PLEKHA5: variants seen among roughly 807,000 people sequenced by gnomAD.
PLEKHA5 encodes pleckstrin homology domain containing A5.
A neutral mutation model predicts 181.9 loss-of-function variants in PLEKHA5; 55 were observed. The ratio of observed to expected loss-of-function variants is 0.30; its 90% confidence interval spans 0.24 to 0.38. The LOEUF (loss-of-function observed/expected upper bound fraction) is 0.38, where lower values mean the gene tolerates loss of function less well. Among genes scored for constraint, PLEKHA5 ranks in the 10% least tolerant of loss-of-function variants. The pLI is 1.00. For synonymous variants in PLEKHA5, 535 were observed against 529.4 expected (o/e 1.01, Z -0.15); for missense variants, 1,432 against 1,549.5 (o/e 0.92, Z 1.27).
intron 25 of PLEKHA5, among the ~76,000 whole-genome samples, 175 bp from the exon 26 acceptor site, chr12:19,353,709 T>C (rs1384663325): frequency 1.3e-5 from 2 of 152,172 alleles, no homozygotes; most frequent in Non-Finnish European, 2.9e-5. Flanking sequence ...TCCGCCTGCC[T>C]TGGCCTCCCA....
intron 3 of PLEKHA5, among the ~76,000 whole-genome samples, chr12:19,214,162 T>TGCTA: frequency 6.6e-6 from 1 of 152,252 alleles, no homozygotes; most frequent in Non-Finnish European, 1.5e-5. Flanking sequence ...TGTAAAGGAA[T>TGCTA]GCTAATTCAG....
chr12:19,332,115 A>G (rs1399264540), intron 20 of PLEKHA5, among the ~76,000 whole-genome samples: 1 of 151,776 alleles, frequency 6.6e-6, no homozygotes, highest in East Asian at 1.9e-4. Flanking sequence ...TGAAACCCCA[A>G]ATTAAAAAAT....
intron 3 of PLEKHA5, chr12:19,152,467 G>A (rs534462807): frequency 1.3e-5 from 2 of 152,304 alleles, no homozygotes; most frequent in East Asian, 3.9e-4. Flanking sequence ...TCTTTCGTCA[G>A]ATTTGTTTCT....
chr12:19,212,545 G>T (rs940856048), intron 3 of PLEKHA5, among the ~76,000 whole-genome samples: 1 of 151,950 alleles, frequency 6.6e-6, no homozygotes, highest in Non-Finnish European at 1.5e-5. Context: ...GCCAGGCATG[G>T]TGGCGGGTGC....
At chr12:19,300,408 T>A (rs1407422716) in intron 15 of PLEKHA5, among the ~76,000 whole-genome samples, 1 of 152,206 alleles carries the variant, frequency 6.6e-6, no homozygotes, top group African/African-American at 2.4e-5. Context: ...ACAATTCTAT[T>A]TTTATTTACA....
rs570692202 is a variant in PLEKHA5, at chr12:19,132,731, T to C, written c.227+281T>C. ...ATAATTTTGTATCTTCGTTTTTTTC[T>C]TTTGGAATCGTCCAGCTTCATCAGA... On this transcript the variant is annotated intron_variant, in intron 3 of 31. Transcript: ENST00000429027. 2.6e-5 allele frequency among the ~76,000 whole-genome samples: 4 copies of C among 152,060 alleles called. No homozygotes were observed. The East Asian group carries it at 7.7e-4, about 29-fold the overall frequency.
intron 3 of PLEKHA5, among the ~76,000 whole-genome samples, chr12:19,217,072 T>A (rs2058106541): frequency 6.6e-6 from 1 of 152,232 alleles, no homozygotes; most frequent in Non-Finnish European, 1.5e-5. Flanking sequence ...AGACTGGTTT[T>A]GACCTTCAGA....
At chr12:19,262,908 T>C (rs1355683977) in intron 7 of PLEKHA5, among the ~76,000 whole-genome samples, 2 of 152,190 alleles carry the variant, frequency 1.3e-5, no homozygotes, top group Non-Finnish European at 2.9e-5. Context: ...AAACAAGCCA[T>C]GCTGAGTCTG....
intron 20 of PLEKHA5, 58 bp from the exon 21 acceptor site, chr12:19,336,457 G>C: frequency 1.2e-6 from 1 of 863,920 alleles, no homozygotes; most frequent in Non-Finnish European, 1.9e-6. Context: ...CAATTGGAGT[G>C]ATAACACCAT....
chr12:19,283,818 T>G, intron 12 of PLEKHA5, 73 bp downstream of exon 12: 1 of 906,228 alleles, frequency 1.1e-6, no homozygotes, highest in Non-Finnish European at 1.7e-6. Flanking sequence ...TATACTATTT[T>G]AAATGTGAGA....
At chr12:19,140,867 C>T (rs1210121543) in intron 3 of PLEKHA5, among the ~76,000 whole-genome samples, 1 of 152,202 alleles carries the variant, frequency 6.6e-6, no homozygotes, top group Non-Finnish European at 1.5e-5. Flanking sequence ...CGGTTCACTG[C>T]AACCTCTGCC....
rs144588477 is a variant in PLEKHA5, at chr12:19,247,501, G to C, written c.228-6439G>C. Among the ~76,000 whole-genome samples the C allele has an allele frequency of 7.4e-3, 1,125 of 152,178 alleles. 11 individuals carry two copies. Among genetic ancestry groups the C allele is most frequent in the African/African-American group, 0.026 (1,065 of 41,514 alleles). ...TATCTCCAGTAGACATGTCATTTTA[G>C]TGTTATACAGTTTGATGGAAATATA... is the stretch of plus-strand genomic sequence containing the variant. On this transcript the variant is annotated intron_variant, in intron 3 of 31. Coordinates refer to ENST00000429027, the MANE Select transcript of PLEKHA5 (RefSeq NM_001256470.2).
intron 3 of PLEKHA5, among the ~76,000 whole-genome samples, chr12:19,169,091 T>G (rs1020915798): frequency 1.3e-5 from 2 of 152,216 alleles, no homozygotes; most frequent in Non-Finnish European, 2.9e-5. Flanking sequence ...ACGTGGCATA[T>G]TTTCCTTATT....
At chr12:19,357,026 A>G (rs1052374434) in intron 26 of PLEKHA5, among the ~76,000 whole-genome samples, 1 of 56,736 alleles carries the variant, frequency 1.8e-5, no homozygotes, top group African/African-American at 3.4e-5. Flanking sequence ...CTGATGAGAA[A>G]GAAAATAGAG....
chr12:19,331,185 T>C lies in PLEKHA5; in HGVS notation c.2449-5330T>C, dbSNP rs373126380. ...TAGTCTTACAATATTTACTTGATTA[T>C]TTTAAAAAGAGGCAATGTGACAGCA... On this transcript the variant is annotated intron_variant, in intron 20 of 31. Transcript: ENST00000429027. 7.2e-5 allele frequency among the ~76,000 whole-genome samples: 11 copies of C among 152,342 alleles called. No homozygotes were observed. The East Asian group carries it at 1.7e-3, about 24-fold the overall frequency.
intron 3 of PLEKHA5, among the ~76,000 whole-genome samples, chr12:19,218,855 T>C (rs1180641653): frequency 6.6e-6 from 1 of 151,366 alleles, no homozygotes; most frequent in East Asian, 1.9e-4. Context: ...TTCCTCTATA[T>C]GTTATTACAT....
intron 3 of PLEKHA5, chr12:19,176,566 A>G (rs1478602592): frequency 6.6e-6 from 1 of 152,194 alleles, no homozygotes; most frequent in Non-Finnish European, 1.5e-5. Context: ...AGCTGGGACT[A>G]TAGGCGTGAG....
At chr12:19,137,724 A>G (rs550447146) in intron 3 of PLEKHA5, among the ~76,000 whole-genome samples, 194 of 152,228 alleles carry the variant, frequency 1.3e-3, no homozygotes, top group African/African-American at 4.5e-3. Context: ...CAGCCTCAGT[A>G]GACTTTGTTG....
intron 15 of PLEKHA5, among the ~76,000 whole-genome samples, chr12:19,310,976 G>A (rs1191074154): frequency 6.6e-6 from 1 of 152,182 alleles, no homozygotes; most frequent in Non-Finnish European, 1.5e-5. Context: ...CTTGCTAACT[G>A]ATCAGGGTGG....
Sources: gnomAD v4.1 joint callset for allele counts (sites outside exome capture counted in the v4.1 genomes callset) on GRCh38, gnomAD v4.1.1 for gene constraint, MANE v1.5 for transcripts, NCBI Gene and HGNC (gene_info 2026-07-23, HGNC 2026-07-21) for gene names.